Variants in SLCO5A1 observed in about 807,000 individuals in gnomAD.
SLCO5A1 encodes the protein solute carrier organic anion transporter family member 5A1.
SLCO5A1 carries 39 observed loss-of-function variants against 65.1 expected under a neutral mutation model. The observed-to-expected ratio is 0.60, with a 90% CI of 0.46 to 0.78. SLCO5A1 has a LOEUF of 0.78. SLCO5A1 is among the 30% of genes least tolerant of loss of function. SLCO5A1 has a pLI of 0.00. For missense variants in SLCO5A1, 1,029 were observed against 1,069.4 expected (o/e 0.96, Z 0.53); for synonymous variants, 438 against 415.7 (o/e 1.05, Z -0.65).
chr8:69,752,269 C>A (rs1051103997), intron 4 of SLCO5A1, among the ~76,000 whole-genome samples: 8 of 151,764 alleles, frequency 5.3e-5, no homozygotes, highest in Non-Finnish European at 4.4e-5. Flanking sequence ...AAAATTAAGA[C>A]CAAAAGAAGC....
intron 5 of SLCO5A1, among the ~76,000 whole-genome samples, chr8:69,708,751 A>G (rs116404450): frequency 0.013 from 1,931 of 152,038 alleles, 40 homozygotes; most frequent in African/African-American, 0.044. Flanking sequence ...TAAAAACACA[A>G]AAATCAGTAG....
intron 2 of SLCO5A1, among the ~76,000 whole-genome samples, chr8:69,813,436 C>T (rs550766091): frequency 3.8e-4 from 58 of 152,164 alleles, no homozygotes; most frequent in African/African-American, 1.1e-3. Flanking sequence ...GTAACCTGCC[C>T]CTGTCTTTCT....
At chr8:69,784,809 GAAAAAGAA>G (rs1354950061) in intron 2 of SLCO5A1, among the ~76,000 whole-genome samples, 75 of 21,612 alleles carry the variant, frequency 3.5e-3, no homozygotes, top group Non-Finnish European at 5.2e-3. Context: ...AAGAAAGAAA[GAAAAAGAA>G]AGAAAGAAAG....
At chr8:69,727,840 T>C (rs1213810233) in intron 5 of SLCO5A1, among the ~76,000 whole-genome samples, 5 of 152,236 alleles carry the variant, frequency 3.3e-5, no homozygotes, top group Non-Finnish European at 5.9e-5. Flanking sequence ...GCCTGAGTAT[T>C]ATGTGACAAA....
chr8:69,831,042 G>A (rs1161301506), intron 2 of SLCO5A1, among the ~76,000 whole-genome samples: 1 of 152,158 alleles, frequency 6.6e-6, no homozygotes, highest in Non-Finnish European at 1.5e-5. Flanking sequence ...GGAGACCAAG[G>A]AGGGTGGATC....
intron 2 of SLCO5A1, among the ~76,000 whole-genome samples, chr8:69,780,367 G>T (rs1818739965): frequency 6.6e-6 from 1 of 152,166 alleles, no homozygotes; most frequent in African/African-American, 2.4e-5. Context: ...ACTTATCATT[G>T]CACTATTCAC....
intron 5 of SLCO5A1, among the ~76,000 whole-genome samples, chr8:69,729,108 GGGCTCCCAAT>G (rs1449266570): frequency 6.6e-6 from 1 of 152,050 alleles, no homozygotes; most frequent in Non-Finnish European, 1.5e-5. Context: ...TGACTTTAAG[GGGCTCCCAAT>G]GGCCAAAGAT....
intron 6 of SLCO5A1, among the ~76,000 whole-genome samples, chr8:69,699,170 G>A (rs779710541): frequency 7.2e-5 from 11 of 152,202 alleles, no homozygotes; most frequent in Admixed American, 3.9e-4. Context: ...TCTCTACTTA[G>A]GTAACTGCTC....
intron 6 of SLCO5A1, among the ~76,000 whole-genome samples, chr8:69,701,846 T>C (rs886393376): frequency 2.0e-5 from 3 of 152,198 alleles, no homozygotes. Context: ...TGTCTTCAAA[T>C]ATTTTACAGA....
Position 69,785,609 on chromosome 8 carries a change from T to A in SLCO5A1, c.908-23734A>T, listed in dbSNP as rs550779836. The stretch of plus-strand genomic sequence containing the variant: ...GTTAGTTTGCACTTTGAAGAAGCTG[T>A]CTGATCTTTGAAATAGTAAGAAATG... On this transcript the variant is annotated intron_variant, in intron 2 of 9. Coordinates refer to ENST00000260126, the MANE Select transcript of SLCO5A1 (RefSeq NM_030958.3). 2.1e-4 allele frequency among the ~76,000 whole-genome samples: 32 copies of A among 152,318 alleles called. 1 individual carries two copies. The South Asian group carries it at 6.6e-3, about 32-fold the overall frequency.
intron 2 of SLCO5A1, among the ~76,000 whole-genome samples, chr8:69,782,392 G>C (rs1476991819): frequency 6.6e-6 from 1 of 151,858 alleles, no homozygotes; most frequent in Non-Finnish European, 1.5e-5. Context: ...GACCAGCCTG[G>C]GCAATATGGC....
intron 6 of SLCO5A1, among the ~76,000 whole-genome samples, chr8:69,698,178 G>A (rs550305405): frequency 6.6e-6 from 1 of 152,310 alleles, no homozygotes; most frequent in South Asian, 2.1e-4. Flanking sequence ...GCTGCAAAGG[G>A]AACGGTCTCA....
At chr8:69,823,266 TAAC>T (rs1291355378) in intron 2 of SLCO5A1, among the ~76,000 whole-genome samples, 1 of 152,126 alleles carries the variant, frequency 6.6e-6, no homozygotes, top group Non-Finnish European at 1.5e-5. Context: ...AAGTCACACA[TAAC>T]AATATTAACT....
In SLCO5A1 at chr8:69,738,155, A is replaced by T. The variant is rs774381699; in HGVS notation, c.1308T>A (p.Phe436Leu). The change falls in exon 5 of 10, where the codon TTT becomes TTA. Residue 436 changes from phenylalanine to leucine, a missense_variant. Transcript: ENST00000260126. The part of the protein sequence containing the change: ...VRILSNMTFL[F>L]VSLSYTAESA... ...TCTCAGCTGTGTATGACAAACTCAC[A>T]AAAAGGAATGTCATGTTGCTTAAGA... The T allele has an allele frequency of 1.9e-6, 3 of 1,613,824 alleles. No individual in the cohort carries two copies. Among genetic ancestry groups the T allele is most frequent in the Non-Finnish European group, 1.7e-6 (2 of 1,179,824 alleles).
chr8:69,749,123 C>T (rs1370959259), intron 4 of SLCO5A1, among the ~76,000 whole-genome samples: 1 of 152,188 alleles, frequency 6.6e-6, no homozygotes, highest in African/African-American at 2.4e-5. Context: ...GACCTGGACA[C>T]ATTCATACTA....
intron 5 of SLCO5A1, among the ~76,000 whole-genome samples, chr8:69,714,110 T>G (rs1815401035): frequency 6.6e-6 from 1 of 152,174 alleles, no homozygotes; most frequent in South Asian, 2.1e-4. Context: ...GCACAGTATA[T>G]CTCTTTCTCT....
At chr8:69,739,453 T>TA (rs1206294776) in intron 4 of SLCO5A1, among the ~76,000 whole-genome samples, 1 of 152,192 alleles carries the variant, frequency 6.6e-6, no homozygotes, top group Non-Finnish European at 1.5e-5. Context: ...ATTTATGTAA[T>TA]CTTTATGTAT....
chr8:69,704,958 G>A (rs1213266297), intron 6 of SLCO5A1, 73 bp downstream of exon 6: 2 of 1,394,814 alleles, frequency 1.4e-6, no homozygotes, highest in Non-Finnish European at 2.0e-6. Context: ...GAGGCTGACT[G>A]CAGATGCACA....
chr8:69,708,330 C>T (rs1022391419), intron 5 of SLCO5A1, among the ~76,000 whole-genome samples: 2 of 152,114 alleles, frequency 1.3e-5, no homozygotes, highest in African/African-American at 4.8e-5. Flanking sequence ...TTACCTTAGC[C>T]TTAGAATGAA....
Sources: gnomAD v4.1 joint callset for allele counts (sites outside exome capture counted in the v4.1 genomes callset) on GRCh38, gnomAD v4.1.1 for gene constraint, MANE v1.5 for transcripts, NCBI Gene and HGNC (gene_info 2026-07-23, HGNC 2026-07-21) for gene names.